CHRM2: variants seen among roughly 807,000 people sequenced by gnomAD.
CHRM2 encodes muscarinic acetylcholine receptor M2.
CHRM2 carries 8 observed loss-of-function variants against 25.0 expected under a neutral mutation model. That is an observed-to-expected ratio of 0.32 (90% CI 0.19 to 0.58). The LOEUF is 0.58. CHRM2 is among the 20% of genes least tolerant of loss of function. The pLI is 0.88. For missense variants in CHRM2, 440 were observed against 567.1 expected (o/e 0.78, Z 2.28); for synonymous variants, 202 against 205.7 (o/e 0.98, Z 0.15).
intron 2 of CHRM2, among the ~76,000 whole-genome samples, chr7:136,927,562 T>G (rs921983660): frequency 6.6e-6 from 1 of 152,210 alleles, no homozygotes; most frequent in African/African-American, 2.4e-5. Flanking sequence ...ATTGTACTCT[T>G]ACAGATCTCT....
At chr7:137,000,074 G>C (rs985655080) in intron 3 of CHRM2, among the ~76,000 whole-genome samples, 1 of 151,788 alleles carries the variant, frequency 6.6e-6, no homozygotes, top group African/African-American at 2.4e-5. Flanking sequence ...AAACTGTAAA[G>C]GTAATTATTT....
At chr7:136,874,069 C>T (rs1795952518) in intron 2 of CHRM2, among the ~76,000 whole-genome samples, 1 of 152,206 alleles carries the variant, frequency 6.6e-6, no homozygotes, top group South Asian at 2.1e-4. Context: ...TTCAAGGTGA[C>T]ACAGCTAACC....
chr7:136,922,444 T>C (rs550817741), intron 2 of CHRM2, among the ~76,000 whole-genome samples: 1 of 152,328 alleles, frequency 6.6e-6, no homozygotes, highest in South Asian at 2.1e-4. Flanking sequence ...AAGCTTCTTG[T>C]ACTTCTTAGT....
At chr7:137,009,485 C>T (rs1370566028) in intron 3 of CHRM2, among the ~76,000 whole-genome samples, 1 of 152,036 alleles carries the variant, frequency 6.6e-6, no homozygotes, top group East Asian at 1.9e-4. Flanking sequence ...GTCTCCTGCC[C>T]AAAGCCCCAG....
intron 2 of CHRM2, among the ~76,000 whole-genome samples, chr7:136,975,284 A>C (rs529815204): frequency 6.6e-6 from 1 of 152,308 alleles, no homozygotes; most frequent in African/African-American, 2.4e-5. Context: ...CAACTGACAC[A>C]CAGGGAAGAC....
intron 2 of CHRM2, among the ~76,000 whole-genome samples, chr7:136,961,095 G>A (rs773397810): frequency 1.4e-4 from 22 of 151,854 alleles, no homozygotes; most frequent in Admixed American, 3.3e-4. Flanking sequence ...ACTGCACTCC[G>A]GCCTGGACGA....
At chr7:136,941,653 A>T (rs1319725028) in intron 2 of CHRM2, among the ~76,000 whole-genome samples, 3 of 152,242 alleles carry the variant, frequency 2.0e-5, no homozygotes, top group Non-Finnish European at 4.4e-5. Context: ...ATCTTCTGAA[A>T]CACATATATG....
intron 2 of CHRM2, among the ~76,000 whole-genome samples, chr7:136,987,784 A>C (rs1802956832): frequency 6.6e-6 from 1 of 152,188 alleles, no homozygotes; most frequent in East Asian, 1.9e-4. Context: ...CTCTGGGGCC[A>C]CTTACATATT....
chr7:136,886,835 T>A (rs116567016), intron 2 of CHRM2, among the ~76,000 whole-genome samples: 7 of 152,256 alleles, frequency 4.6e-5, no homozygotes, highest in African/African-American at 1.7e-4. Flanking sequence ...ATTGCACCAC[T>A]GCACACTACC....
rs1373028083 is a variant in CHRM2 at position 137,020,151 on chromosome 7, T to G, written c.*3885T>G. 6.9e-6 allele frequency: 1 copy of G among 145,854 alleles called. No individual in the cohort carries two copies. Among genetic ancestry groups the G allele is most frequent in the Non-Finnish European group, 1.5e-5 (1 of 64,542 alleles). The allele number at this position is 145,854 out of a possible 1,614,324, so 9.0% of individuals were successfully genotyped here. A position where few individuals can be genotyped will look rare whatever the true frequency, so the allele number is the denominator to read the frequency against. On this transcript the variant is annotated 3_prime_UTR_variant, in exon 4 of 4. Transcript: ENST00000680005. ...ATATTTAATGTATCTTCCTGGAATA[T>G]GCTATGTGCTAAATATATATATATT... is the stretch of plus-strand genomic sequence containing the variant.
chr7:137,002,742 A>AAT (rs1804133510), intron 3 of CHRM2, among the ~76,000 whole-genome samples: 1 of 152,150 alleles, frequency 6.6e-6, no homozygotes, highest in African/African-American at 2.4e-5. Context: ...ATAATATAAA[A>AAT]ATTATTTCAG....
chr7:137,011,138 T>C (rs1264485390), intron 3 of CHRM2, among the ~76,000 whole-genome samples: 1 of 151,266 alleles, frequency 6.6e-6, no homozygotes, highest in East Asian at 1.9e-4. Context: ...GCTTCTCTAA[T>C]ACCAAATCTG....
chr7:136,880,633 A>G (rs1011106245), intron 2 of CHRM2, among the ~76,000 whole-genome samples: 4 of 151,738 alleles, frequency 2.6e-5, no homozygotes, highest in Non-Finnish European at 5.9e-5. Context: ...TAGTTTTTTT[A>G]ATAGACTTTA....
intron 3 of CHRM2, among the ~76,000 whole-genome samples, chr7:137,005,815 T>C (rs1264489961): frequency 6.6e-6 from 1 of 152,156 alleles, no homozygotes; most frequent in Non-Finnish European, 1.5e-5. Flanking sequence ...AAGCAATGAA[T>C]TAACTAATTT....
At chr7:136,902,606 T>C (rs995400218) in intron 2 of CHRM2, 1 of 153,888 alleles carries the variant, frequency 6.5e-6, no homozygotes, top group African/African-American at 2.4e-5. Context: ...ATGAAGCATC[T>C]TAGATTGAGA....
intron 2 of CHRM2, among the ~76,000 whole-genome samples, chr7:136,961,377 C>T (rs1314858400): frequency 6.6e-6 from 1 of 152,132 alleles, no homozygotes; most frequent in Non-Finnish European, 1.5e-5. Flanking sequence ...GCATTTTTGA[C>T]TTACAATAGG....
Position 137,017,115 on chromosome 7 carries a change from C to G in CHRM2, c.*849C>G, listed in dbSNP as rs1457106344. On this transcript the variant is annotated 3_prime_UTR_variant, in exon 4 of 4. Transcript: ENST00000680005. ...CTATATGCGAAATGTTTAAACCAAT[C>G]TGATTTTCTCCTAAATAGCCTTTTA... 2 of 152,526 alleles carry G rather than the reference C, an allele frequency of 1.3e-5. No individual in the cohort carries two copies. The highest frequency in any genetic ancestry group is 4.8e-5 in the African/African-American group (2 of 41,402). The allele number at this position is 152,526 out of a possible 1,614,324, so 9.4% of individuals were successfully genotyped here.
chr7:136,949,895 G>A (rs1214132851), intron 2 of CHRM2, among the ~76,000 whole-genome samples: 1 of 152,056 alleles, frequency 6.6e-6, no homozygotes, highest in Non-Finnish European at 1.5e-5. Context: ...TAAGGAATTA[G>A]TAGGTACAAA....
chr7:136,921,757 T>C (rs1215902552), intron 2 of CHRM2, among the ~76,000 whole-genome samples: 1 of 151,376 alleles, frequency 6.6e-6, no homozygotes, highest in Admixed American at 6.6e-5. Flanking sequence ...AAATATACCA[T>C]TCATGCAATT....
Sources: allele counts gnomAD v4.1 joint callset (sites outside exome capture counted in the v4.1 genomes callset), GRCh38; gene constraint gnomAD v4.1.1; transcripts MANE v1.5; gene names NCBI Gene and HGNC (gene_info 2026-07-23, HGNC 2026-07-21).